EDARADD: variants seen among roughly 807,000 people sequenced by gnomAD.
EDARADD encodes EDAR associated via death domain, also known as ectodysplasin-A receptor-associated adapter protein.
EDARADD carries 20 observed loss-of-function variants against 25.6 expected under a neutral mutation model. That is an observed-to-expected ratio of 0.78 (90% CI 0.55 to 1.14). The LOEUF is 1.14. EDARADD is among the 50% of genes most tolerant of loss of function. The probability of loss-of-function intolerance (pLI) is 0.00; values close to 1 mark genes in which losing one functional copy is unlikely to be tolerated. For synonymous variants in EDARADD, 86 were observed against 94.4 expected, an observed-to-expected ratio of 0.91 and a Z score of 0.52; for missense variants, 225 against 270.1, an observed-to-expected ratio of 0.83 and a Z score of 1.17.
chr1:236,377,833 C>A (rs1392151776), intron 3 of EDARADD, among the ~76,000 whole-genome samples: 1 of 151,418 alleles, frequency 6.6e-6, no homozygotes, highest in East Asian at 2.0e-4. Flanking sequence ...ACTCCAGCCT[C>A]ACGACAGAGT....
intron 1 of EDARADD, among the ~76,000 whole-genome samples, chr1:236,406,804 C>A (rs1667747867): frequency 6.6e-6 from 1 of 152,192 alleles, no homozygotes; most frequent in African/African-American, 2.4e-5. Context: ...TTCTCCCACC[C>A]CTCCTCTCTC....
chr1:236,427,333 G>A (rs971939554), intron 3 of EDARADD, 59 bp from the exon 4 acceptor site: 6 of 1,544,318 alleles, frequency 3.9e-6, no homozygotes, highest in African/African-American at 1.4e-5. Flanking sequence ...ACACCACGGA[G>A]TGTGTGCTTT....
intron 4 of EDARADD, among the ~76,000 whole-genome samples, chr1:236,449,136 G>A (rs529907482): frequency 1.2e-4 from 18 of 152,196 alleles, no homozygotes; most frequent in Admixed American, 5.2e-4. Context: ...AAGCATCATC[G>A]CAACCTCTGC....
chr1:236,405,727 TTC>T (rs557890012), intron 1 of EDARADD, among the ~76,000 whole-genome samples: 52 of 20,312 alleles, frequency 2.6e-3, no homozygotes, highest in African/African-American at 9.2e-3. Context: ...TCCTTTCTTT[TTC>T]TTTCTTTCTT....
chr1:236,405,923 T>TTCTTTCTC (rs1558112950), intron 1 of EDARADD, among the ~76,000 whole-genome samples: 5 of 48,246 alleles, frequency 1.0e-4, no homozygotes, highest in South Asian at 7.3e-4. Flanking sequence ...CTTTCTTTCT[T>TTCTTTCTC]TCTCTTTCCT....
intron 5 of EDARADD, among the ~76,000 whole-genome samples, chr1:236,476,562 GT>G (rs1158264973): frequency 2.0e-5 from 3 of 150,636 alleles, no homozygotes; most frequent in Non-Finnish European, 4.4e-5. Flanking sequence ...TTTTGCTCAT[GT>G]TGCCTAGGCT....
At chr1:236,438,760 C>G (rs1199486371) in intron 4 of EDARADD, among the ~76,000 whole-genome samples, 1 of 152,122 alleles carries the variant, frequency 6.6e-6, no homozygotes, top group African/African-American at 2.4e-5. Flanking sequence ...TCCCTGCCCC[C>G]ACTCATGCAC....
chr1:236,375,998 G>A (rs570781275), intron 3 of EDARADD, among the ~76,000 whole-genome samples: 21 of 145,738 alleles, frequency 1.4e-4, no homozygotes, highest in South Asian at 8.7e-4. Context: ...GCAATGGTGC[G>A]ATCTTGGCTC....
chr1:236,359,927 A>G lies in EDARADD; in HGVS notation c.-6+9088A>G, dbSNP rs115801946. On this transcript the variant is annotated intron_variant, in intron 3 of 7. Transcript: ENST00000439430. ...CTTTATAAATTACCTAGTCTGTGAT[A>G]TTTTGTTATAGCAACACAAGTGGGC... Among the ~76,000 whole-genome samples, 940 of 152,300 alleles carry G rather than the reference A, an allele frequency of 6.2e-3. 10 individuals are homozygous for G. The highest frequency in any genetic ancestry group is 0.02 in the African/African-American group (850 of 41,554).
chr1:236,462,022 T>G (rs1181851810), intron 4 of EDARADD, among the ~76,000 whole-genome samples: 1 of 152,126 alleles, frequency 6.6e-6, no homozygotes, highest in Non-Finnish European at 1.5e-5. Flanking sequence ...GTCTACAAAA[T>G]AGACAGGGTT....
At chr1:236,391,035 C>T (rs985199294), upstream of EDARADD, among the ~76,000 whole-genome samples, 11 of 152,124 alleles carry the variant, frequency 7.2e-5, no homozygotes, top group African/African-American at 2.4e-4. Flanking sequence ...CAACCTCCCC[C>T]TCCTGGGTTT....
intron 1 of EDARADD, 103 bp downstream of exon 1, chr1:236,394,608 A>C: frequency 1.0e-6 from 1 of 1,004,284 alleles, no homozygotes; most frequent in South Asian, 1.9e-5. Flanking sequence ...ACTAAATACT[A>C]TTATTATCTT....
chr1:236,443,103 G>A (rs1231373707), intron 4 of EDARADD, among the ~76,000 whole-genome samples: 1 of 152,164 alleles, frequency 6.6e-6, no homozygotes, highest in Non-Finnish European at 1.5e-5. Flanking sequence ...GAGATACCCT[G>A]CACTGCCTCA....
chr1:236,424,483 G>C (rs1657860388), intron 3 of EDARADD, among the ~76,000 whole-genome samples: 1 of 151,964 alleles, frequency 6.6e-6, no homozygotes, highest in African/African-American at 2.4e-5. Flanking sequence ...TTTGTGTCCA[G>C]GTTTCTTTTT....
At chr1:236,411,858 C>T (rs1474044623) in intron 2 of EDARADD, among the ~76,000 whole-genome samples, 1 of 152,164 alleles carries the variant, frequency 6.6e-6, no homozygotes, top group Non-Finnish European at 1.5e-5. Context: ...GCCCTCGTCT[C>T]TTCTTTTAAA....
chr1:236,394,210 G>A, upstream of EDARADD: 2 of 527,886 alleles, frequency 3.8e-6, no homozygotes, highest in East Asian at 6.9e-5. Flanking sequence ...AGTACAGAAA[G>A]AACCACAAAC....
chr1:236,395,385 A>C lies in EDARADD; in HGVS notation c.61+880A>C. 1 of 1,383,126 alleles carries C rather than the reference A, an allele frequency of 7.2e-7. No individual in the cohort carries two copies. The highest frequency in any genetic ancestry group is 3.0e-5 in the East Asian group (1 of 33,844). The allele number at this position is 1,383,126 out of a possible 1,614,324, so 85.7% of individuals were successfully genotyped here. A position where few individuals can be genotyped will look rare whatever the true frequency, so the allele number is the denominator to read the frequency against. ...CCGCCCCGCGCCTCTGGAGGGAGGT[A>C]CCGAGGGACGCGCAGCGAAGGGGCT... is the stretch of plus-strand genomic sequence containing the variant. On this transcript the variant is annotated intron_variant, in intron 1 of 5. Coordinates refer to ENST00000334232, the MANE Select transcript of EDARADD (RefSeq NM_145861.4). The surrounding 1 kb of genome is among the most constrained non-coding windows in gnomAD (Gnocchi z 6.9).
At chr1:236,381,800 G>GGTTTTTTT (rs1558105353) in intron 3 of EDARADD, among the ~76,000 whole-genome samples, 1 of 16,938 alleles carries the variant, frequency 5.9e-5, no homozygotes, top group East Asian at 1.9e-3. Context: ...TCCTGTGGTT[G>GGTTTTTTT]CTTTTTTTTT....
chr1:236,360,258 T>A (rs589534), intron 3 of EDARADD, among the ~76,000 whole-genome samples: 4 of 151,808 alleles, frequency 2.6e-5, no homozygotes, highest in Admixed American at 6.6e-5. Flanking sequence ...AGGTCAAGGC[T>A]TTAGTTAGCC....
Sources: allele counts gnomAD v4.1 joint callset (sites outside exome capture counted in the v4.1 genomes callset), GRCh38; gene constraint gnomAD v4.1.1; non-coding constraint Gnocchi (gnomAD v3.1); transcripts MANE v1.5; gene names NCBI Gene and HGNC (gene_info 2026-07-23, HGNC 2026-07-21).